Variants in IL32 observed in about 807,000 individuals in gnomAD.
IL32 encodes the protein interleukin-32.
In IL32, 30 loss-of-function variants were observed where a neutral mutation model predicts 16.6. The observed-to-expected ratio is 1.81, with a 90% CI of 1.35 to 2.45. IL32 has a LOEUF of 2.45. Among genes scored for constraint, IL32 ranks in the 30% most tolerant of loss-of-function variants. The pLI, the probability that IL32 is intolerant of heterozygous loss-of-function variation, is 0.00. For synonymous variants in IL32, 70 were observed against 86.1 expected (o/e 0.81, Z 1.03); for missense variants, 234 against 229.8 (o/e 1.02, Z -0.12).
chr16:3,065,732 G>C, intron 1 of IL32, 45 bp downstream of exon 1: 1 of 1,558,816 alleles, frequency 6.4e-7, no homozygotes, highest in Admixed American at 1.7e-5. Context: ...CTGGGGAGGA[G>C]GGTGCTTCTC....
rs775405103 is a variant in IL32, at chr16:3,067,514, G to C, written c.55-40G>C. On this transcript the variant is annotated intron_variant, in intron 3 of 6. Coordinates refer to ENST00000525643, the MANE Select transcript of IL32 (RefSeq NM_001376923.1). ...GACACCTGGGACCCTGGAGGGACAA[G>C]GATCCGGCCCTTTGGTGCCAACTCT... 4.3e-6 allele frequency: 7 copies of C among 1,613,910 alleles called. No individual in the cohort carries two copies. In the African/African-American group the frequency reaches 6.7e-5, roughly 15 times the overall value.
Position 3,068,000 on chromosome 16 carries a change from C to A in IL32, c.131C>A (p.Ala44Glu), listed in dbSNP as rs962695296. The A allele has an allele frequency of 1.9e-6, 3 of 1,614,002 alleles. No individual in the cohort carries two copies. Among genetic ancestry groups the A allele is most frequent in the South Asian group, 1.1e-5 (1 of 91,092 alleles). Residue 44 changes from alanine to glutamate, a missense_variant, in exon 5 of 7, where the codon GCA becomes GAA. Ala to Glu is a moderately radical substitution (Grantham distance 107, BLOSUM62 -1). Transcript: ENST00000525643. ...SGRGQVMSSL[A>E]ELEDDFKEGY... Reference sequence around the variant, plus strand: ...TCCTAACAGGTGATGTCGAGCCTGGCAGAGCTGGAGGTGAGCCGTGGCCTC... The same window carrying A: ...TCCTAACAGGTGATGTCGAGCCTGGAAGAGCTGGAGGTGAGCCGTGGCCTC...
In IL32 at chr16:3,065,667, A is replaced by G. The variant is rs1298702016; in HGVS notation, c.-49A>G. ...ACTGCGTGCAGAAGGTGACTGTCTC[A>G]GTGGAGCTGGGTCATCTCAGGTGGG... On this transcript the variant is annotated 5_prime_UTR_variant, in exon 1 of 7. Coordinates refer to ENST00000525643, the MANE Select transcript of IL32 (RefSeq NM_001376923.1). 1 of 815,212 alleles carries G rather than the reference A, an allele frequency of 1.2e-6. No homozygotes were observed. Among genetic ancestry groups the G allele is most frequent in the Admixed American group, 1.8e-5 (1 of 55,664 alleles). The allele number at this position is 815,212 out of a possible 1,614,324, so 50.5% of individuals were successfully genotyped here.
upstream of IL32, chr16:3,065,531 C>G (rs1175071235): frequency 5.2e-6 from 3 of 572,532 alleles, no homozygotes; most frequent in Non-Finnish European, 9.4e-6. Flanking sequence ...GTCTCTGTCT[C>G]TGTCTCTGTC....
Position 3,067,998 on chromosome 16 carries a change from G to T in IL32, c.129G>T (p.Leu43=). Residue 43 remains leucine (L), a synonymous_variant, in exon 5 of 7, where the codon CTG becomes CTT. Transcript: ENST00000525643. ...GTTCCTAACAGGTGATGTCGAGCCT[G>T]GCAGAGCTGGAGGTGAGCCGTGGCC... ...ESGRGQVMSS[L]AELEDDFKEG... 15 of 1,614,140 alleles carry T rather than the reference G, an allele frequency of 9.3e-6. No homozygotes were observed. Among genetic ancestry groups the T allele is most frequent in the Non-Finnish European group, 1.3e-5 (15 of 1,180,000 alleles).
At position 3,065,840 on chromosome 16, in the gene IL32, T is replaced by C. The variant is rs771875586; in HGVS notation, c.15+14T>C. On this transcript the variant is annotated intron_variant, in intron 2 of 6. Transcript: ENST00000525643. ...TGCTTCCCGAAGGTGAGTGAGAGGC[T>C]GCGTGTGCTTTTGTGGGCATGTCTG... 2 of 1,614,092 alleles carry C rather than the reference T, an allele frequency of 1.2e-6. No homozygotes were observed. The highest frequency in any genetic ancestry group is 1.7e-6 in the Non-Finnish European group (2 of 1,180,038).
At chr16:3,068,672 G>A in intron 6 of IL32, 1 of 441,926 alleles carries the variant, frequency 2.3e-6, no homozygotes, top group South Asian at 2.2e-5. Flanking sequence ...GCTTGGGGTG[G>A]AGGGCTGGGA....
chr16:3,067,277 G>GTGTGTGTCTC (rs1956467101), intron 2 of IL32, 100 bp from the exon 3 acceptor site: 8 of 283,388 alleles, frequency 2.8e-5, no homozygotes, highest in South Asian at 5.0e-5. Context: ...GTCTCTGTGT[G>GTGTGTGTCTC]TGTGTGTGTG....
chr16:3,067,775 G>A (rs1374072745), intron 4 of IL32, 162 bp downstream of exon 4: 2 of 811,964 alleles, frequency 2.5e-6, no homozygotes, highest in Non-Finnish European at 4.0e-6. Flanking sequence ...GTGGGCGGGT[G>A]GGGGATCTGG....
intron 2 of IL32, among the ~76,000 whole-genome samples, chr16:3,066,573 G>A (rs1237367507): frequency 3.9e-5 from 6 of 152,012 alleles, no homozygotes; most frequent in African/African-American, 4.8e-5. Context: ...GGGGCTCAGC[G>A]GGGATTCTGT....
chr16:3,068,117 G>T, intron 5 of IL32, 63 bp from the exon 6 acceptor site: 1 of 1,602,242 alleles, frequency 6.2e-7, no homozygotes, highest in Non-Finnish European at 8.5e-7. Context: ...GGACCAGTGG[G>T]GGCCACAGTG....
intron 2 of IL32, 106 bp from the exon 3 acceptor site, chr16:3,067,271 C>CTCTCTG (rs1317427759): frequency 2.8e-5 from 17 of 603,558 alleles, no homozygotes; most frequent in African/African-American, 1.6e-4. Context: ...CCATGTGTCT[C>CTCTCTG]TGTGTGTGTG....
chr16:3,066,447 G>A (rs997084211), intron 2 of IL32, among the ~76,000 whole-genome samples: 30 of 152,364 alleles, frequency 2.0e-4, no homozygotes, highest in African/African-American at 6.7e-4. Flanking sequence ...AAAGTGTGCA[G>A]ACAGCTGCCC....
In IL32 at chr16:3,067,581, A is replaced by G; in HGVS notation, c.82A>G (p.Lys28Glu). The G allele has an allele frequency of 6.2e-7, 1 of 1,613,848 alleles. No homozygotes were observed. Among genetic ancestry groups the G allele is most frequent in the Non-Finnish European group, 8.5e-7 (1 of 1,179,874 alleles). The change falls in exon 4 of 7, where the codon AAA becomes GAA. Residue 28 changes from lysine (K) to glutamate (E), a missense_variant. Physicochemically the swap from Lys to Glu is moderately conservative, Grantham distance 56. Transcript: ENST00000525643. ...CCAGGCCATAGAAAGATTTTATGAT[A>G]AAATGCAAAATGCAGAATCAGGACG... ...MHQAIERFYD[K>E]MQNAESGRGQ...
upstream of IL32, chr16:3,065,510 T>C (rs1176527359): frequency 7.4e-6 from 4 of 537,502 alleles, no homozygotes; most frequent in Admixed American, 9.6e-5. Flanking sequence ...TCTCCATCTC[T>C]GTCTGTCTCT....
intron 2 of IL32, among the ~76,000 whole-genome samples, chr16:3,066,247 G>A (rs1376851731): frequency 6.6e-6 from 1 of 151,860 alleles, no homozygotes; most frequent in Non-Finnish European, 1.5e-5. Flanking sequence ...CTGCCCCACC[G>A]CAAATGCTAG....
chr16:3,067,939 G>A (rs371848825), intron 4 of IL32, 45 bp from the exon 5 acceptor site: 3 of 1,610,598 alleles, frequency 1.9e-6, no homozygotes, highest in Non-Finnish European at 2.5e-6. Flanking sequence ...GATGTGGGGT[G>A]CAGAGGAGGC....
chr16:3,067,536 C>A lies in IL32; in HGVS notation c.55-18C>A. On this transcript the variant is annotated intron_variant, in intron 3 of 6. Coordinates refer to ENST00000525643, the MANE Select transcript of IL32 (RefSeq NM_001376923.1). ...CAAGGATCCGGCCCTTTGGTGCCAA[C>A]TCTGCCTCTCTTCACAGCACCAGGC... is the stretch of plus-strand genomic sequence containing the variant. 1.9e-6 allele frequency: 3 copies of A among 1,614,068 alleles called. No homozygotes were observed. The highest frequency in any genetic ancestry group is 2.5e-6 in the Non-Finnish European group (3 of 1,179,980).
At chr16:3,066,295 C>G (rs1308998735) in intron 2 of IL32, among the ~76,000 whole-genome samples, 1 of 152,200 alleles carries the variant, frequency 6.6e-6, no homozygotes, top group East Asian at 1.9e-4. Context: ...CGGCCTGTGA[C>G]AATAGGGGTT....
Sources: allele counts gnomAD v4.1 joint callset (sites outside exome capture counted in the v4.1 genomes callset), GRCh38; gene constraint gnomAD v4.1.1; transcripts MANE v1.5; gene names NCBI Gene and HGNC (gene_info 2026-07-23, HGNC 2026-07-21).